Variants in TRMT9B observed in about 807,000 individuals in gnomAD.
TRMT9B encodes tRNA methyltransferase 9B (putative), also known as probable tRNA methyltransferase 9B.
A neutral mutation model predicts 11.5 loss-of-function variants in TRMT9B; 16 were observed. The ratio of observed to expected loss-of-function variants is 1.39; its 90% CI spans 0.94 to 2.11. The LOEUF is 2.11. Ranked by LOEUF, TRMT9B falls within the 30% of genes most tolerant of loss-of-function variation. The pLI is 0.00. For synonymous variants in TRMT9B, 274 were observed against 192.4 expected (o/e 1.42, Z -3.51); for missense variants, 941 against 553.8 (o/e 1.70, Z -7.02).
intron 1 of TRMT9B, among the ~76,000 whole-genome samples, chr8:12,950,537 T>TTCTTTCTTTCTTTCTTTCTTTC (rs1800514485): frequency 6.7e-6 from 1 of 149,358 alleles, no homozygotes; most frequent in African/African-American, 2.5e-5. Flanking sequence ...ACTCGTGGTT[T>TTCTTTCTTTCTTTCTTTCTTTC]TTTCTTTCTT....
chr8:13,019,359 A>G (rs970705053), intron 4 of TRMT9B, among the ~76,000 whole-genome samples: 2 of 152,172 alleles, frequency 1.3e-5, no homozygotes, highest in Admixed American at 1.3e-4. Flanking sequence ...TGGCATGATC[A>G]TGGCCCACTG....
chr8:12,992,024 C>A (rs1022122341), intron 2 of TRMT9B, among the ~76,000 whole-genome samples: 1 of 152,206 alleles, frequency 6.6e-6, no homozygotes, highest in Non-Finnish European at 1.5e-5. Flanking sequence ...TCCAAGTGCC[C>A]ATTGACTCAC....
chr8:13,021,719 G>T lies in TRMT9B; in HGVS notation c.1040G>T (p.Gly347Val). 1 of 1,613,886 alleles carries T rather than the reference G, an allele frequency of 6.2e-7. No individual in the cohort carries two copies. The highest frequency in any genetic ancestry group is 8.5e-7 in the Non-Finnish European group (1 of 1,179,856). The change falls in exon 5 of 5, where the codon GGA (glycine) becomes GTA (valine). Residue 347 changes from glycine to valine, a missense_variant. Coordinates refer to ENST00000524591, the MANE Select transcript of TRMT9B (RefSeq NM_020844.3). The part of the protein sequence containing the change: ...HQGEMRRNGG[G>V]NFLDSTNTGV... ...GGGGAAATGAGGAGAAATGGAGGGGGAAATTTTCTGGATAGCACTAATACT... is the reference window on the plus strand; with the variant it reads ...GGGGAAATGAGGAGAAATGGAGGGGTAAATTTTCTGGATAGCACTAATACT...
rs1275356799 is a variant in TRMT9B at position 13,012,918 on chromosome 8, C to T, written c.328+61C>T. ...TGAGAATAATTGACCCGGTTTAGTC[C>T]GTTCTCATGACTCAACATCCGTTCT... On this transcript the variant is annotated intron_variant, in intron 4 of 4. Coordinates refer to ENST00000524591, the MANE Select transcript of TRMT9B (RefSeq NM_020844.3). 2.6e-5 allele frequency: 40 copies of T among 1,567,654 alleles called. No homozygotes were observed. In the East Asian group the frequency reaches 6.8e-4, roughly 27 times the overall value.
Position 12,961,476 on chromosome 8 carries a change from C to T in TRMT9B, c.-200+15510C>T, listed in dbSNP as rs1257902733. On this transcript the variant is annotated intron_variant, in intron 1 of 4. Coordinates refer to ENST00000524591, the MANE Select transcript of TRMT9B (RefSeq NM_020844.3). Reference sequence around the variant, plus strand: ...CAGCACTTTGGGAGGCCGAGGTGGGCGGATCACGAGGTCAGGAGATGGAGA... The same window carrying T: ...CAGCACTTTGGGAGGCCGAGGTGGGTGGATCACGAGGTCAGGAGATGGAGA... Among the ~76,000 whole-genome samples the T allele has an allele frequency of 4.0e-5, 6 of 151,742 alleles. No homozygotes were observed. The South Asian group carries it at 6.2e-4, about 16-fold the overall frequency.
intron 3 of TRMT9B, chr8:13,007,228 T>G (rs1414269462): frequency 6.6e-6 from 1 of 152,234 alleles, no homozygotes; most frequent in African/African-American, 2.4e-5. Context: ...TCCTTTCCTT[T>G]AATTATTCTA....
Position 13,021,739 on chromosome 8 carries a change from A to G in TRMT9B, c.1060A>G (p.Asn354Asp). The change falls in exon 5 of 5, where the codon AAT (asparagine) becomes GAT (aspartate). Residue 354 changes from asparagine (N) to aspartate (D), a missense_variant. Physicochemically the swap from Asn to Asp is conservative, Grantham distance 23. Transcript: ENST00000524591. ...AGGGGGAAATTTTCTGGATAGCACT[A>G]ATACTGGTGTGAATTGTGTGGATGC... The part of the protein sequence containing the change: ...NGGGNFLDST[N>D]TGVNCVDAGN... The G allele has an allele frequency of 1.2e-6, 2 of 1,614,012 alleles. No individual in the cohort carries two copies. The highest frequency in any genetic ancestry group is 1.7e-6 in the Non-Finnish European group (2 of 1,179,900).
intron 1 of TRMT9B, among the ~76,000 whole-genome samples, chr8:12,953,511 A>C (rs1238086333): frequency 6.6e-6 from 1 of 152,060 alleles, no homozygotes; most frequent in Admixed American, 6.6e-5. Context: ...CACCATGCCC[A>C]GCTAATTTTT....
chr8:12,978,317 A>G (rs576787640), intron 1 of TRMT9B, among the ~76,000 whole-genome samples: 1 of 152,192 alleles, frequency 6.6e-6, no homozygotes, highest in Non-Finnish European at 1.5e-5. Flanking sequence ...TAAAATCTCC[A>G]GCAAGCCTTT....
At chr8:12,973,005 G>T (rs1803868826) in intron 1 of TRMT9B, among the ~76,000 whole-genome samples, 1 of 152,058 alleles carries the variant, frequency 6.6e-6, no homozygotes, top group South Asian at 2.1e-4. Flanking sequence ...GACTCCCCAG[G>T]CCCTGGGAGC....
At chr8:12,959,486 TCTCC>T in intron 1 of TRMT9B, among the ~76,000 whole-genome samples, 1 of 146,146 alleles carries the variant, frequency 6.8e-6, no homozygotes, top group Non-Finnish European at 1.5e-5. Context: ...TTTCCTCTCC[TCTCC>T]TCTCCTCTCC....
intron 4 of TRMT9B, among the ~76,000 whole-genome samples, chr8:13,020,745 G>A (rs1813669897): frequency 6.6e-6 from 1 of 152,110 alleles, no homozygotes; most frequent in African/African-American, 2.4e-5. Flanking sequence ...TCTTATAGAG[G>A]AAGAAACTTA....
At chr8:12,964,044 G>T (rs1802490067) in intron 1 of TRMT9B, among the ~76,000 whole-genome samples, 1 of 152,158 alleles carries the variant, frequency 6.6e-6, no homozygotes, top group Non-Finnish European at 1.5e-5. Context: ...TCTCGTACAT[G>T]AACTGTGTAA....
At chr8:12,983,571 G>C (rs1805759472) in intron 1 of TRMT9B, among the ~76,000 whole-genome samples, 1 of 152,172 alleles carries the variant, frequency 6.6e-6, no homozygotes, top group African/African-American at 2.4e-5. Context: ...TCAGGAGGCT[G>C]AGGCAGGACA....
At position 12,950,013 on chromosome 8, in the gene TRMT9B, C is replaced by T. The variant is rs764445757; in HGVS notation, c.-200+4047C>T. 7.9e-5 allele frequency among the ~76,000 whole-genome samples: 12 copies of T among 152,232 alleles called. No individual in the cohort carries two copies. The South Asian group carries it at 8.3e-4, about 11-fold the overall frequency. On this transcript the variant is annotated intron_variant, in intron 1 of 4. Transcript: ENST00000524591. ...GATCATAGGCATGCACCACCACGCC[C>T]AGCTAATGTTTTGTATTTCTTTCAG...
At position 13,025,350 on chromosome 8, in the gene TRMT9B, C is replaced by G. The variant is rs536003579; in HGVS notation, c.*3306C>G. On this transcript the variant is annotated 3_prime_UTR_variant, in exon 5 of 5. Coordinates refer to ENST00000524591, the MANE Select transcript of TRMT9B (RefSeq NM_020844.3). ...CCTGACCAACATGGTGAAACCCCGT[C>G]TTTATTAAATACAAAAAATTAGCCA... is the stretch of plus-strand genomic sequence containing the variant. The G allele has an allele frequency of 6.1e-6, 1 of 163,374 alleles. No homozygotes were observed. Among genetic ancestry groups the G allele is most frequent in the African/African-American group, 2.4e-5 (1 of 41,430 alleles). The allele number at this position is 163,374 out of a possible 1,614,324, so 10.1% of individuals were successfully genotyped here.
chr8:13,012,583 T>A (rs1437566081), intron 3 of TRMT9B, 101 bp from the exon 4 acceptor site: 4 of 1,396,068 alleles, frequency 2.9e-6, no homozygotes, highest in Non-Finnish European at 3.8e-6. Context: ...TCAAAATAAA[T>A]AAATAAATAA....
intron 1 of TRMT9B, among the ~76,000 whole-genome samples, chr8:12,946,192 T>A (rs998532652): frequency 1.3e-5 from 2 of 152,210 alleles, no homozygotes; most frequent in East Asian, 3.8e-4. Flanking sequence ...GATCAAGAAC[T>A]GATACATTCT....
intron 4 of TRMT9B, among the ~76,000 whole-genome samples, chr8:13,014,961 G>C (rs772228008): frequency 1.3e-5 from 2 of 151,994 alleles, no homozygotes; most frequent in Non-Finnish European, 2.9e-5. Context: ...TTGGGAAGCT[G>C]AGGCAGGGAA....
Sources: gnomAD v4.1 joint callset for allele counts (sites outside exome capture counted in the v4.1 genomes callset) on GRCh38, gnomAD v4.1.1 for gene constraint, MANE v1.5 for transcripts, NCBI Gene and HGNC (gene_info 2026-07-23, HGNC 2026-07-21) for gene names.